The following PIK3CB variants were observed in gnomAD, a reference collection of about 807,000 sequenced individuals.
The protein encoded by PIK3CB is phosphatidylinositol 4,5-bisphosphate 3-kinase catalytic subunit beta isoform.
In PIK3CB, 39 loss-of-function variants were observed where a neutral mutation model predicts 136.8. The ratio of observed to expected loss-of-function variants is 0.29; its 90% CI spans 0.22 to 0.37. The LOEUF (loss-of-function observed/expected upper bound fraction) is 0.37, where lower values mean the gene tolerates loss of function less well. PIK3CB is among the 10% of genes least tolerant of loss of function. The probability of loss-of-function intolerance (pLI) is 1.00; values close to 1 mark genes in which losing one functional copy is unlikely to be tolerated. For missense variants in PIK3CB, 868 were observed against 1,275.4 expected, an observed-to-expected ratio of 0.68 and a Z score of 4.87; for synonymous variants, 428 against 436.6, an observed-to-expected ratio of 0.98 and a Z score of 0.25.
intron 13 of PIK3CB, among the ~76,000 whole-genome samples, chr3:138,697,077 C>T (rs2044152590): frequency 6.6e-6 from 1 of 152,122 alleles, no homozygotes; most frequent in South Asian, 2.1e-4. Flanking sequence ...ACTCACCAAA[C>T]CTCTCTATAA....
chr3:138,829,516 G>C (rs1381680297), intron 1 of PIK3CB, among the ~76,000 whole-genome samples: 1 of 152,100 alleles, frequency 6.6e-6, no homozygotes, highest in Non-Finnish European at 1.5e-5. Context: ...CTCAAGGATT[G>C]GCTGAGCGTA....
chr3:138,657,666 C>T, intron 22 of PIK3CB, 24 bp downstream of exon 22: 3 of 1,606,158 alleles, frequency 1.9e-6, no homozygotes, highest in Non-Finnish European at 2.6e-6. Flanking sequence ...AAGTGTTCAG[C>T]CTTGGCACAA....
chr3:138,741,365 G>T (rs772803628), intron 5 of PIK3CB, among the ~76,000 whole-genome samples: 2 of 152,178 alleles, frequency 1.3e-5, no homozygotes, highest in Admixed American at 6.5e-5. Flanking sequence ...AACAACGCTT[G>T]TAAGGTTGGT....
intron 2 of PIK3CB, among the ~76,000 whole-genome samples, chr3:138,794,442 G>C (rs2046086624): frequency 6.6e-6 from 1 of 152,182 alleles, no homozygotes; most frequent in Non-Finnish European, 1.5e-5. Context: ...CAATAGTAAA[G>C]GCCTAGTTTG....
intron 1 of PIK3CB, among the ~76,000 whole-genome samples, chr3:138,802,219 CAAA>C (rs71146143): frequency 2.1e-5 from 3 of 141,340 alleles, no homozygotes; most frequent in African/African-American, 7.8e-5. Context: ...ACTAAAAATA[CAAA>C]AAAAAAAAAA....
intron 1 of PIK3CB, among the ~76,000 whole-genome samples, chr3:138,811,141 C>T (rs1933025833): frequency 6.8e-6 from 1 of 146,362 alleles, no homozygotes; most frequent in Admixed American, 7.0e-5. Flanking sequence ...GCAGGAGACT[C>T]GCTTGAACCT....
intron 2 of PIK3CB, among the ~76,000 whole-genome samples, chr3:138,784,632 T>C (rs1007195193): frequency 1.3e-5 from 2 of 152,202 alleles, no homozygotes; most frequent in African/African-American, 2.4e-5. Flanking sequence ...GGTTTCGCCC[T>C]GTTGGCTGGG....
chr3:138,696,258 C>G lies in PIK3CB; in HGVS notation c.1771-1351G>C, dbSNP rs113594346. ...AGTGCAGTGGCACTATCGTACCTCA[C>G]TGCAGCCTTGAACTCCTGGGTACAA... On this transcript the variant is annotated intron_variant, in intron 13 of 23. Coordinates refer to ENST00000674063, the MANE Select transcript of PIK3CB (RefSeq NM_006219.3). Among the ~76,000 whole-genome samples, 1,059 of 151,152 alleles carry G rather than the reference C, an allele frequency of 7.0e-3. 12 individuals carry two copies. The highest frequency in any genetic ancestry group is 0.025 in the African/African-American group (1,012 of 41,148).
intron 6 of PIK3CB, among the ~76,000 whole-genome samples, chr3:138,735,986 T>A (rs903832920): frequency 5.9e-5 from 9 of 152,098 alleles, no homozygotes; most frequent in Non-Finnish European, 1.2e-4. Context: ...TTGTACAGGG[T>A]CTCTCCTGTC....
intron 16 of PIK3CB, among the ~76,000 whole-genome samples, chr3:138,688,307 T>C (rs1169685049): frequency 6.6e-6 from 1 of 151,736 alleles, no homozygotes; most frequent in African/African-American, 2.4e-5. Flanking sequence ...CAAGACCAGC[T>C]TGGCCAACAC....
chr3:138,805,859 A>T (rs559892034), intron 1 of PIK3CB, among the ~76,000 whole-genome samples: 1 of 151,066 alleles, frequency 6.6e-6, no homozygotes, highest in South Asian at 2.1e-4. Flanking sequence ...CTTCCTGAGT[A>T]GCTGGGATTA....
rs138975893 is a variant in PIK3CB, at chr3:138,696,775, A to C, written c.1771-1868T>G. The stretch of plus-strand genomic sequence containing the variant: ...AGATCCCCCCTCCCTGCTTTGCCAA[A>C]GGCCCTAATGGACCAGCAGTCTTCT... On this transcript the variant is annotated intron_variant, in intron 13 of 23. Coordinates refer to ENST00000674063, the MANE Select transcript of PIK3CB (RefSeq NM_006219.3). Among the ~76,000 whole-genome samples the C allele has an allele frequency of 5.4e-4, 82 of 152,300 alleles. 4 individuals are homozygous for C. In the East Asian group the frequency reaches 0.015, roughly 27 times the overall value.
intron 4 of PIK3CB, among the ~76,000 whole-genome samples, chr3:138,746,230 T>C (rs115814313): frequency 7.6e-4 from 115 of 152,272 alleles, no homozygotes; most frequent in African/African-American, 2.7e-3. Flanking sequence ...AACAAAACAC[T>C]AAAAATCTGT....
chr3:138,757,818 A>C (rs1212655625), intron 3 of PIK3CB, among the ~76,000 whole-genome samples: 1 of 152,160 alleles, frequency 6.6e-6, no homozygotes, highest in Non-Finnish European at 1.5e-5. Context: ...TCCCAACATT[A>C]TATGGTGCAG....
intron 2 of PIK3CB, among the ~76,000 whole-genome samples, chr3:138,784,438 C>T (rs995035134): frequency 2.0e-5 from 3 of 152,072 alleles, no homozygotes; most frequent in Non-Finnish European, 2.9e-5. Flanking sequence ...CTCTCGTCTC[C>T]GTCTCCGTCT....
At chr3:138,827,178 A>C (rs1933818169) in intron 1 of PIK3CB, among the ~76,000 whole-genome samples, 2 of 152,198 alleles carry the variant, frequency 1.3e-5, no homozygotes, top group African/African-American at 4.8e-5. Context: ...TCAAGACCAA[A>C]ATTCAAGGCC....
intron 16 of PIK3CB, among the ~76,000 whole-genome samples, chr3:138,686,768 A>G (rs2043902403): frequency 6.6e-6 from 1 of 152,170 alleles, no homozygotes; most frequent in Admixed American, 6.5e-5. Context: ...CACTAAGACT[A>G]TGTAGGGAGA....
intron 19 of PIK3CB, among the ~76,000 whole-genome samples, chr3:138,681,122 C>T (rs1462633816): frequency 2.0e-5 from 3 of 150,720 alleles, no homozygotes; most frequent in Non-Finnish European, 4.4e-5. Flanking sequence ...TCTCTGTTCC[C>T]TGCAACCTCC....
At chr3:138,814,350 C>T (rs528276222) in intron 1 of PIK3CB, among the ~76,000 whole-genome samples, 147 of 151,788 alleles carry the variant, frequency 9.7e-4, no homozygotes, top group Middle Eastern at 3.4e-3. Context: ...TGGTGGTGGG[C>T]GCCTATAATC....
Sources: allele counts gnomAD v4.1 joint callset (sites outside exome capture counted in the v4.1 genomes callset), GRCh38; gene constraint gnomAD v4.1.1; transcripts MANE v1.5; gene names NCBI Gene and HGNC (gene_info 2026-07-23, HGNC 2026-07-21).